Variants in CPEB2 observed in about 807,000 individuals in gnomAD.
CPEB2 encodes the protein cytoplasmic polyadenylation element binding protein 2.
Under a neutral mutation model 93.6 loss-of-function variants are expected in CPEB2, and 56 were observed. The observed-to-expected ratio is 0.60, with a 90% confidence interval of 0.48 to 0.75. The LOEUF is 0.75. Among genes scored for constraint, CPEB2 ranks in the 30% least tolerant of loss-of-function variants. The probability of loss-of-function intolerance (pLI) is 0.00; values close to 1 mark genes in which losing one functional copy is unlikely to be tolerated. For synonymous variants in CPEB2, 764 were observed against 586.3 expected (o/e 1.30, Z -4.38); for missense variants, 1,579 against 1,395.1 (o/e 1.13, Z -2.10).
At chr4:15,049,593 A>G (rs1048232338) in intron 6 of CPEB2, among the ~76,000 whole-genome samples, 2 of 152,120 alleles carry the variant, frequency 1.3e-5, no homozygotes, top group Non-Finnish European at 2.9e-5. Flanking sequence ...TGTTCATTTT[A>G]TTGAGTAAAA....
chr4:15,017,155 G>C, intron 3 of CPEB2, 33 bp from the exon 4 acceptor site: 1 of 1,239,586 alleles, frequency 8.1e-7, no homozygotes, highest in Non-Finnish European at 1.2e-6. Flanking sequence ...AAACTGCATA[G>C]ATTATAATGT....
intron 11 of CPEB2, among the ~76,000 whole-genome samples, chr4:15,062,709 A>G (rs1729312951): frequency 6.6e-6 from 1 of 152,164 alleles, no homozygotes; most frequent in Admixed American, 6.5e-5. Context: ...AAGCACTTAG[A>G]ATAGAACTTG....
chr4:15,004,099 C>G lies in CPEB2; in HGVS notation c.1426C>G (p.Leu476Val), dbSNP rs1397733760. 1.9e-6 allele frequency: 3 copies of G among 1,560,162 alleles called. No homozygotes were observed. The highest frequency in any genetic ancestry group is 1.9e-5 in the Admixed American group (1 of 52,976). Residue 476 changes from leucine (L) to valine (V), a missense_variant, in exon 1 of 12, where the codon CTC becomes GTC. Leu to Val is a conservative substitution (Grantham distance 32, BLOSUM62 1). Coordinates refer to ENST00000538197, the MANE Select transcript of CPEB2 (RefSeq NM_001177382.2). ...SPVSPHGCTG[L>V]SVPTSGGGGG... is the part of the protein sequence containing the mutation. ...CGTGTCGCCGCACGGCTGCACTGGG[C>G]TCAGCGTTCCGACGAGCGGCGGCGG...
intron 4 of CPEB2, among the ~76,000 whole-genome samples, chr4:15,020,270 T>C (rs998389905): frequency 6.6e-6 from 1 of 152,172 alleles, no homozygotes; most frequent in Admixed American, 6.6e-5. Context: ...CCAAGTCTGC[T>C]ATTCAAGAGA....
chr4:15,008,621 A>C (rs1339339062), intron 3 of CPEB2, among the ~76,000 whole-genome samples, 194 bp downstream of exon 3: 1 of 152,196 alleles, frequency 6.6e-6, no homozygotes, highest in Non-Finnish European at 1.5e-5. Flanking sequence ...CAAATTTAAG[A>C]GTAATCCTTT....
chr4:15,017,623 T>A (rs1724320974), intron 4 of CPEB2, among the ~76,000 whole-genome samples: 3 of 151,890 alleles, frequency 2.0e-5, no homozygotes, highest in Non-Finnish European at 4.4e-5. Flanking sequence ...ATACTTGTAT[T>A]CACAATTTGC....
intron 8 of CPEB2, among the ~76,000 whole-genome samples, chr4:15,056,659 ACACTGGTATAGAAG>A (rs1728738065): frequency 6.6e-6 from 1 of 152,080 alleles, no homozygotes; most frequent in African/African-American, 2.4e-5. Flanking sequence ...GGTTTGGAAA[ACACTGGTATAGAAG>A]CATCCAGTGG....
chr4:15,039,559 G>A (rs575055809), intron 5 of CPEB2, among the ~76,000 whole-genome samples: 1 of 151,924 alleles, frequency 6.6e-6, no homozygotes, highest in South Asian at 2.1e-4. Flanking sequence ...TAATTTCAGG[G>A]TAAAAATACT....
At chr4:15,039,685 A>T (rs978886501) in intron 5 of CPEB2, among the ~76,000 whole-genome samples, 4 of 151,994 alleles carry the variant, frequency 2.6e-5, no homozygotes, top group African/African-American at 9.7e-5. Context: ...CATAGGAATT[A>T]TGTCACTGCA....
chr4:15,040,862 A>G lies in CPEB2; in HGVS notation c.2200+375A>G, dbSNP rs138634790. 4.1e-3 allele frequency among the ~76,000 whole-genome samples: 629 copies of G among 152,310 alleles called. 3 individuals carry two copies. Among genetic ancestry groups the G allele is most frequent in the African/African-American group, 0.015 (608 of 41,566 alleles). ...TAAATGTGTAACTGTCATATTTATG[A>G]TGTATAATTTACAGCTCTAGATTGT... On this transcript the variant is annotated intron_variant, in intron 6 of 11. Coordinates refer to ENST00000538197, the MANE Select transcript of CPEB2 (RefSeq NM_001177382.2).
chr4:15,012,138 G>A (rs1723575495), intron 3 of CPEB2, among the ~76,000 whole-genome samples: 1 of 152,188 alleles, frequency 6.6e-6, no homozygotes, highest in Non-Finnish European at 1.5e-5. Flanking sequence ...TAAACCAGAT[G>A]AACTTCAGGG....
intron 4 of CPEB2, among the ~76,000 whole-genome samples, chr4:15,024,256 C>A (rs1237984599): frequency 6.6e-6 from 1 of 151,972 alleles, no homozygotes; most frequent in Non-Finnish European, 1.5e-5. Context: ...ATCCCCATGT[C>A]CTTTCTTTAA....
In CPEB2 at chr4:15,026,893, C is replaced by G. The variant is rs558205323; in HGVS notation, c.2126-6268C>G. On this transcript the variant is annotated intron_variant, in intron 4 of 11. Transcript: ENST00000538197. ...ATATGCTTGTTTCTGAGGCTGTAAA[C>G]ATAATATTGCCAACCTAGGTTTGCT... Among the ~76,000 whole-genome samples the G allele has an allele frequency of 2.0e-5, 3 of 152,138 alleles. No homozygotes were observed. In the South Asian group the frequency reaches 6.2e-4, roughly 31 times the overall value.
chr4:15,043,728 A>C (rs1050630742), intron 6 of CPEB2, among the ~76,000 whole-genome samples: 2 of 152,104 alleles, frequency 1.3e-5, no homozygotes, highest in African/African-American at 4.8e-5. Context: ...ATATAAATAA[A>C]AACGTAGTTT....
intron 6 of CPEB2, among the ~76,000 whole-genome samples, chr4:15,044,612 A>G (rs773052417): frequency 2.6e-5 from 4 of 152,230 alleles, no homozygotes; most frequent in Non-Finnish European, 4.4e-5. Flanking sequence ...TTAAGCCGTT[A>G]GTGTGTACAT....
At chr4:15,017,014 G>A (rs774076402) in intron 3 of CPEB2, among the ~76,000 whole-genome samples, 174 bp from the exon 4 acceptor site, 3 of 151,898 alleles carry the variant, frequency 2.0e-5, no homozygotes, top group Non-Finnish European at 4.4e-5. Flanking sequence ...GTCCTCCAAT[G>A]CAAGGAACAT....
Position 15,055,330 on chromosome 4 carries a change from T to C in CPEB2, c.2461+1113T>C, listed in dbSNP as rs868169068. 4.6e-5 allele frequency among the ~76,000 whole-genome samples: 7 copies of C among 152,308 alleles called. No individual in the cohort carries two copies. In the Middle Eastern group the frequency reaches 0.01, roughly 222 times the overall value. Reference sequence around the variant, plus strand: ...GCTATCTACCTCTCTCCATGTAGTCTGGAGTTCATTGGAGGTCACAAAACC... The same window carrying C: ...GCTATCTACCTCTCTCCATGTAGTCCGGAGTTCATTGGAGGTCACAAAACC... On this transcript the variant is annotated intron_variant, in intron 8 of 11. Coordinates refer to ENST00000538197, the MANE Select transcript of CPEB2 (RefSeq NM_001177382.2).
intron 4 of CPEB2, among the ~76,000 whole-genome samples, chr4:15,027,530 A>G (rs1295811721): frequency 6.6e-6 from 1 of 152,194 alleles, no homozygotes; most frequent in African/African-American, 2.4e-5. Flanking sequence ...GGAGTTATTC[A>G]AGGTTGGTAA....
intron 4 of CPEB2, among the ~76,000 whole-genome samples, chr4:15,022,094 A>G (rs1300914187): frequency 1.3e-5 from 2 of 152,306 alleles, no homozygotes; most frequent in South Asian, 2.1e-4. Flanking sequence ...CTGTCGAGCC[A>G]GACAGAGGTT....
Sources: allele counts gnomAD v4.1 joint callset (sites outside exome capture counted in the v4.1 genomes callset), GRCh38; gene constraint gnomAD v4.1.1; transcripts MANE v1.5; gene names NCBI Gene and HGNC (gene_info 2026-07-23, HGNC 2026-07-21).